Variants in CCDC141 observed in about 807,000 individuals in gnomAD.
CCDC141 encodes coiled-coil domain-containing protein 141.
A neutral mutation model predicts 181.0 loss-of-function variants in CCDC141; 168 were observed. That is an observed-to-expected ratio of 0.93 (90% CI 0.82 to 1.05). CCDC141 has a LOEUF of 1.05. CCDC141 is among the 50% of genes least tolerant of loss of function. The pLI, the probability that CCDC141 is intolerant of heterozygous loss-of-function variation, is 0.00. For synonymous variants in CCDC141, 666 were observed against 642.3 expected (o/e 1.04, Z -0.56); for missense variants, 1,902 against 1,788.5 (o/e 1.06, Z -1.14).
rs769929663 is a variant in CCDC141, at chr2:179,031,497, A to G, written c.225+15787T>C. On this transcript the variant is annotated intron_variant, in intron 2 of 23. Transcript: ENST00000443758. Reference sequence around the variant, plus strand: ...TTCAATTTCATTGATTTCTGCTTTTATCTTCATTTTTTCCATCATTCTGCT... The same window carrying G: ...TTCAATTTCATTGATTTCTGCTTTTGTCTTCATTTTTTCCATCATTCTGCT... Among the ~76,000 whole-genome samples the G allele has an allele frequency of 5.6e-4, 85 of 151,742 alleles. 1 individual carries two copies. Among genetic ancestry groups the G allele is most frequent in the Non-Finnish European group, 3.2e-4 (22 of 67,874 alleles).
intron 7 of CCDC141, among the ~76,000 whole-genome samples, chr2:178,908,439 G>C (rs1688077635): frequency 6.6e-6 from 1 of 152,126 alleles, no homozygotes; most frequent in Non-Finnish European, 1.5e-5. Context: ...TGATCTGCCT[G>C]CGTCGGCCTC....
intron 20 of CCDC141, among the ~76,000 whole-genome samples, chr2:178,851,131 G>A (rs767238050): frequency 4.0e-5 from 6 of 151,294 alleles, no homozygotes; most frequent in East Asian, 3.9e-4. Context: ...ACTTGAACCC[G>A]GGAGGTGGAG....
chr2:178,848,695 T>G (rs913450333), intron 21 of CCDC141, among the ~76,000 whole-genome samples: 1 of 152,002 alleles, frequency 6.6e-6, no homozygotes, highest in African/African-American at 2.4e-5. Flanking sequence ...TTGTAGACAA[T>G]GAAGAGCAAA....
chr2:178,970,974 C>G (rs953236309), intron 4 of CCDC141, among the ~76,000 whole-genome samples: 1 of 152,194 alleles, frequency 6.6e-6, no homozygotes, highest in Non-Finnish European at 1.5e-5. Flanking sequence ...CTTCGGGAGG[C>G]TGAGGCGGGC....
In CCDC141 at chr2:178,961,583, G is replaced by A. The variant is rs951200952; in HGVS notation, c.527-100C>T. 20 of 983,770 alleles carry A rather than the reference G, an allele frequency of 2.0e-5. No homozygotes were observed. The Admixed American group carries it at 5.4e-4, about 26-fold the overall frequency. The allele number at this position is 983,770 out of a possible 1,614,324, so 60.9% of individuals were successfully genotyped here. On this transcript the variant is annotated intron_variant, in intron 4 of 23. Coordinates refer to ENST00000443758, the MANE Select transcript of CCDC141 (RefSeq NM_173648.4). ...AATTTAAAATATATGTAATTTTTAT[G>A]TTAATAAAAAACAAGTTGTGCTGCA...
chr2:179,045,281 C>G (rs1283156151), intron 2 of CCDC141, among the ~76,000 whole-genome samples: 1 of 135,840 alleles, frequency 7.4e-6, no homozygotes, highest in Non-Finnish European at 1.6e-5. Flanking sequence ...TTCGTTCTTG[C>G]CATAGTTTAC....
chr2:178,992,904 C>T (rs1256575267), intron 2 of CCDC141, among the ~76,000 whole-genome samples: 1 of 152,148 alleles, frequency 6.6e-6, no homozygotes, highest in African/African-American at 2.4e-5. Context: ...TTTGTCGGCA[C>T]TTCTCTTTGC....
intron 6 of CCDC141, among the ~76,000 whole-genome samples, chr2:178,934,667 T>C (rs190196348): frequency 6.6e-6 from 1 of 152,310 alleles, no homozygotes; most frequent in East Asian, 1.9e-4. Context: ...TTGTTCTGAA[T>C]GTATTCCAGT....
intron 2 of CCDC141, among the ~76,000 whole-genome samples, chr2:178,983,659 G>C (rs899521914): frequency 4.3e-4 from 65 of 150,374 alleles, no homozygotes; most frequent in Non-Finnish European, 7.8e-4. Flanking sequence ...CGAGAACTAC[G>C]TGAAGAATGC....
intron 7 of CCDC141, among the ~76,000 whole-genome samples, chr2:178,907,549 A>G (rs1688025500): frequency 6.6e-6 from 1 of 152,214 alleles, no homozygotes; most frequent in Non-Finnish European, 1.5e-5. Context: ...AGATACAGAG[A>G]AAGGTTGAGA....
At position 178,837,208 on chromosome 2, in the gene CCDC141, C is replaced by G. The variant is rs754465185; in HGVS notation, c.4011G>C (p.Gln1337His). The change falls in exon 23 of 24, where the codon CAG (glutamine) becomes CAC (histidine). Residue 1337 changes from glutamine (Q) to histidine (H), a missense_variant. Gln to His is a conservative substitution (Grantham distance 24). Coordinates refer to ENST00000443758, the MANE Select transcript of CCDC141 (RefSeq NM_173648.4). ...GTGTTTCTAGCAAACCACCCTGAGC[C>G]TGAGGGTGCTGCTGTAAAGCTCTCT... The part of the protein sequence containing the change: ...VHERALQQHP[Q>H]AQGGLLETRE... The G allele has an allele frequency of 1.7e-5, 27 of 1,613,890 alleles. No homozygotes were observed. The highest frequency in any genetic ancestry group is 2.1e-5 in the Non-Finnish European group (25 of 1,179,986).
chr2:178,973,147 A>T (rs925816158), intron 4 of CCDC141, among the ~76,000 whole-genome samples: 1 of 152,196 alleles, frequency 6.6e-6, no homozygotes, highest in African/African-American at 2.4e-5. Context: ...ATGCATTTCA[A>T]ATCAGCTAAT....
At chr2:179,020,348 G>T (rs374635273) in intron 2 of CCDC141, among the ~76,000 whole-genome samples, 1 of 152,088 alleles carries the variant, frequency 6.6e-6, no homozygotes, top group Non-Finnish European at 1.5e-5. Context: ...ACTGCCCCAC[G>T]CAGGGGAACT....
chr2:179,045,193 T>C (rs1361346728), intron 2 of CCDC141, among the ~76,000 whole-genome samples: 2 of 136,296 alleles, frequency 1.5e-5, no homozygotes, highest in Non-Finnish European at 3.1e-5. Context: ...CCCCAGAGTG[T>C]GATGTTCCCC....
At chr2:179,039,845 A>T (rs1026074036) in intron 2 of CCDC141, among the ~76,000 whole-genome samples, 1 of 152,198 alleles carries the variant, frequency 6.6e-6, no homozygotes, top group East Asian at 1.9e-4. Flanking sequence ...AATTGGTTGA[A>T]TTTATGATCT....
intron 2 of CCDC141, among the ~76,000 whole-genome samples, chr2:179,032,848 A>G (rs2043037232): frequency 6.6e-6 from 1 of 152,054 alleles, no homozygotes; most frequent in Non-Finnish European, 1.5e-5. Flanking sequence ...GAAAATTTGG[A>G]GAACAGGGCT....
At chr2:178,884,210 C>A (rs1014867704) in intron 11 of CCDC141, among the ~76,000 whole-genome samples, 1 of 148,854 alleles carries the variant, frequency 6.7e-6, no homozygotes, top group Non-Finnish European at 1.5e-5. Flanking sequence ...ATTTTTTGAG[C>A]CTTTGTATGG....
chr2:178,855,222 T>A, intron 19 of CCDC141, 125 bp downstream of exon 19: 2 of 741,558 alleles, frequency 2.7e-6, no homozygotes, highest in Non-Finnish European at 4.3e-6. Flanking sequence ...GGAAAAAAAA[T>A]CATGAAAAGG....
At chr2:178,964,695 T>A (rs1008530076) in intron 4 of CCDC141, among the ~76,000 whole-genome samples, 20 of 152,200 alleles carry the variant, frequency 1.3e-4, no homozygotes, top group African/African-American at 4.8e-4. Context: ...CGTTTTTCTT[T>A]TTCACAGTTT....
Sources: gnomAD v4.1 joint callset for allele counts (sites outside exome capture counted in the v4.1 genomes callset) on GRCh38, gnomAD v4.1.1 for gene constraint, MANE v1.5 for transcripts, NCBI Gene and HGNC (gene_info 2026-07-23, HGNC 2026-07-21) for gene names.